Variants in MFAP3L observed in about 807,000 individuals in gnomAD.
MFAP3L encodes microfibril associated protein 3 like, also known as microfibrillar-associated protein 3-like.
A neutral mutation model predicts 20.0 loss-of-function variants in MFAP3L; 5 were observed. The ratio of observed to expected loss-of-function variants is 0.25; its 90% confidence interval spans 0.13 to 0.53. The LOEUF (loss-of-function observed/expected upper bound fraction) is 0.53, where lower values mean the gene tolerates loss of function less well. Among genes scored for constraint, MFAP3L ranks in the 20% least tolerant of loss-of-function variants. The pLI is 0.96. For synonymous variants in MFAP3L, 219 were observed against 213.0 expected, an observed-to-expected ratio of 1.03 and a Z score of -0.25; for missense variants, 409 against 527.5, an observed-to-expected ratio of 0.78 and a Z score of 2.20.
At chr4:170,025,859 A>G (rs112853886) in intron 1 of MFAP3L, among the ~76,000 whole-genome samples, 1 of 152,134 alleles carries the variant, frequency 6.6e-6, no homozygotes, top group East Asian at 1.9e-4. Flanking sequence ...CACAGCGATG[A>G]GAGAGATCCA....
chr4:170,007,315 T>C (rs1739102751), intron 1 of MFAP3L, among the ~76,000 whole-genome samples: 1 of 152,202 alleles, frequency 6.6e-6, no homozygotes, highest in Non-Finnish European at 1.5e-5. Context: ...CACCCTGCCA[T>C]GACTTTGCAA....
intron 2 of MFAP3L, chr4:170,005,213 C>T: frequency 7.2e-6 from 2 of 276,288 alleles, no homozygotes; most frequent in Non-Finnish European, 6.7e-6. Context: ...TAAACAATGG[C>T]TATATTGTTT....
chr4:170,000,821 C>T (rs1738560337), intron 2 of MFAP3L, among the ~76,000 whole-genome samples: 1 of 152,144 alleles, frequency 6.6e-6, no homozygotes, highest in Non-Finnish European at 1.5e-5. Flanking sequence ...CTCCCAGGCT[C>T]ATGCAATCGT....
At position 169,986,902 on chromosome 4, in the gene MFAP3L, T is replaced by C. The variant is rs1178979201; in HGVS notation, c.*4476A>G. ...AGCTCTATGGTGTCTGAGATATACA[T>C]TTGGAGGCTATTTTATTGGCTAAAT... is the stretch of plus-strand genomic sequence containing the variant. On this transcript the variant is annotated 3_prime_UTR_variant, in exon 3 of 3. Coordinates refer to ENST00000361618, the MANE Select transcript of MFAP3L (RefSeq NM_021647.8). The C allele has an allele frequency of 6.6e-6, 1 of 152,190 alleles. No homozygotes were observed. The highest frequency in any genetic ancestry group is 2.4e-5 in the African/African-American group (1 of 41,456). The allele number at this position is 152,190 out of a possible 1,614,324, so 9.4% of individuals were successfully genotyped here.
In MFAP3L at chr4:169,991,036, A is replaced by G. The variant is rs142697193; in HGVS notation, c.*342T>C. On this transcript the variant is annotated 3_prime_UTR_variant, in exon 3 of 3. Coordinates refer to ENST00000361618, the MANE Select transcript of MFAP3L (RefSeq NM_021647.8). The surrounding 1 kb of genome is among the most constrained non-coding windows in gnomAD (Gnocchi z 4.9). ...GGAAAAGCAATGCAGGGGGCACTGGACAGGGTTCTTGAACTCAGAATATCT... is the reference window on the plus strand; with the variant it reads ...GGAAAAGCAATGCAGGGGGCACTGGGCAGGGTTCTTGAACTCAGAATATCT... 223 of 281,892 alleles carry G rather than the reference A, an allele frequency of 7.9e-4. 1 individual carries two copies. Among genetic ancestry groups the G allele is most frequent in the African/African-American group, 4.6e-3 (210 of 46,148 alleles). The allele number at this position is 281,892 out of a possible 1,614,324, so 17.5% of individuals were successfully genotyped here.
intron 2 of MFAP3L, among the ~76,000 whole-genome samples, chr4:170,002,841 A>AT (rs888600090): frequency 7.0e-6 from 1 of 142,194 alleles, no homozygotes; most frequent in African/African-American, 3.0e-5. Context: ...TCACCTCTTT[A>AT]TTTAAAAAAA....
Position 169,990,433 on chromosome 4 carries a change from C to T in MFAP3L, c.*945G>A, listed in dbSNP as rs1222518247. On this transcript the variant is annotated 3_prime_UTR_variant, in exon 3 of 3. Transcript: ENST00000361618. ...ATATTCTATAACCTACAGGAATCCA[C>T]TGAATCTGATGTCTTTGGAAGCAAT... 6.6e-6 allele frequency: 1 copy of T among 152,630 alleles called. No individual in the cohort carries two copies. The highest frequency in any genetic ancestry group is 1.5e-5 in the Non-Finnish European group (1 of 68,036). The allele number at this position is 152,630 out of a possible 1,614,324, so 9.5% of individuals were successfully genotyped here. A position where few individuals can be genotyped will look rare whatever the true frequency, so the allele number is the denominator to read the frequency against.
At chr4:170,007,560 T>C (rs1005196805) in intron 1 of MFAP3L, among the ~76,000 whole-genome samples, 1 of 152,212 alleles carries the variant, frequency 6.6e-6, no homozygotes, top group African/African-American at 2.4e-5. Flanking sequence ...TAAACAAGAA[T>C]TATTAGCACA....
rs1005057802 is a variant in MFAP3L at position 169,988,667 on chromosome 4, T to C, written c.*2711A>G. The stretch of plus-strand genomic sequence containing the variant: ...CATATTCTAGCAGGAGGGCCTCTCA[T>C]TTCATAAAGAAGCTGTAGGATGGAT... On this transcript the variant is annotated 3_prime_UTR_variant, in exon 3 of 3. Transcript: ENST00000361618. 3.9e-5 allele frequency: 6 copies of C among 152,336 alleles called. No individual in the cohort carries two copies. The South Asian group carries it at 8.3e-4, about 21-fold the overall frequency. 9.4% of individuals were successfully genotyped at this position (152,336 alleles called of 1,614,324 possible). A position where few individuals can be genotyped will look rare whatever the true frequency, so the allele number is the denominator to read the frequency against.
Position 169,991,877 on chromosome 4 carries a change from G to A in MFAP3L, c.731C>T (p.Pro244Leu), listed in dbSNP as rs201000129. The change falls in exon 3 of 3, where the codon CCG (proline) becomes CTG (leucine). Residue 244 changes from proline to leucine, a missense_variant. This residue lies in a region of MFAP3L where 127 missense variants were observed against 218.1 expected (regional missense o/e 0.58). Transcript: ENST00000361618. The surrounding 1 kb of genome is among the most constrained non-coding windows in gnomAD (Gnocchi z 4.9). ...AGTCCTGCAGTTCATAATGAGAGGC[G>A]GCAGAGGCACGCTCCTGGCAAGCTC... The part of the protein sequence containing the change: ...IEELARSVPL[P>L]PLIMNCRTIM... The A allele has an allele frequency of 3.1e-6, 5 of 1,614,100 alleles. No homozygotes were observed. The highest frequency in any genetic ancestry group is 3.4e-6 in the Non-Finnish European group (4 of 1,180,032).
chr4:170,012,190 A>G (rs1739426262), intron 1 of MFAP3L, among the ~76,000 whole-genome samples: 1 of 152,228 alleles, frequency 6.6e-6, no homozygotes, highest in South Asian at 2.1e-4. Flanking sequence ...ATATCCAGGA[A>G]GGAAATGAAC....
At chr4:169,997,613 CT>C (rs1361685938) in intron 2 of MFAP3L, 18 of 658,804 alleles carry the variant, frequency 2.7e-5, no homozygotes, top group Non-Finnish European at 3.4e-5. Flanking sequence ...TTTAAAACAA[CT>C]TTTTCAACTC....
chr4:170,005,635 A>G lies in MFAP3L; in HGVS notation c.243T>C (p.Tyr81=), dbSNP rs752410768. The change falls in exon 2 of 3, where the codon TAT becomes TAC. Residue 81 remains tyrosine, a synonymous_variant. Transcript: ENST00000361618. ...CTTTCAGCAGCTTGCCAATGGAATT[A>G]TACCACTTGAACTGTGGGTCAGGGA... ...YGIPDPQFKW[Y]NSIGKLLKEE... 62 of 1,614,104 alleles carry G rather than the reference A, an allele frequency of 3.8e-5. 1 individual carries two copies. The South Asian group carries it at 5.6e-4, about 15-fold the overall frequency.
At chr4:170,019,278 T>G (rs937637492) in intron 1 of MFAP3L, among the ~76,000 whole-genome samples, 4 of 152,226 alleles carry the variant, frequency 2.6e-5, no homozygotes, top group African/African-American at 9.6e-5. Context: ...CCTGGTGCAA[T>G]GGCTCATGTC....
At chr4:170,020,235 C>T (rs1385784968) in intron 1 of MFAP3L, among the ~76,000 whole-genome samples, 1 of 152,182 alleles carries the variant, frequency 6.6e-6, no homozygotes, top group Non-Finnish European at 1.5e-5. Flanking sequence ...CACATTTCTG[C>T]TGTACCTGAG....
chr4:170,006,013 G>GT lies in MFAP3L; in HGVS notation c.-133-4dup. ...AGAGTTGGTACTTGAGCAAGAACCT[G>GT]TTTTTAAGAAAACAAAAATATATAC... On this transcript the variant is annotated splice_region_variant and splice_polypyrimidine_tract_variant and intron_variant, in intron 1 of 2. Coordinates refer to ENST00000361618, the MANE Select transcript of MFAP3L (RefSeq NM_021647.8). 7.0e-7 allele frequency: 1 copy of GT among 1,430,608 alleles called. No homozygotes were observed. The highest frequency in any genetic ancestry group is 9.1e-7 in the Non-Finnish European group (1 of 1,094,996). The allele number at this position is 1,430,608 out of a possible 1,614,324, so 88.6% of individuals were successfully genotyped here.
rs1739556297 is a variant in MFAP3L at position 170,014,151 on chromosome 4, T to C, written c.-133-8141A>G. Among the ~76,000 whole-genome samples the C allele has an allele frequency of 2.0e-5, 3 of 152,240 alleles. No homozygotes were observed. In the South Asian group the frequency reaches 6.2e-4, roughly 31 times the overall value. On this transcript the variant is annotated intron_variant, in intron 1 of 2. Transcript: ENST00000361618. ...GCTGCTGTCTTTCTTTTCATTAGAATATTGTTCCAACATCTCCCCCCTTTA... is the reference window on the plus strand; with the variant it reads ...GCTGCTGTCTTTCTTTTCATTAGAACATTGTTCCAACATCTCCCCCCTTTA...
intron 1 of MFAP3L, among the ~76,000 whole-genome samples, chr4:170,017,250 A>G (rs907632478): frequency 2.0e-5 from 3 of 152,150 alleles, no homozygotes; most frequent in Non-Finnish European, 4.4e-5. Context: ...TCTCCCACAT[A>G]AAGTGTCATT....
At chr4:170,021,359 G>A (rs1330753941) in intron 1 of MFAP3L, among the ~76,000 whole-genome samples, 1 of 152,154 alleles carries the variant, frequency 6.6e-6, no homozygotes. Context: ...TCCCTATTAA[G>A]ATTTAAGAGC....
Sources: allele counts gnomAD v4.1 joint callset (sites outside exome capture counted in the v4.1 genomes callset), GRCh38; gene constraint gnomAD v4.1.1; regional missense constraint gnomAD v4.1.1; non-coding constraint Gnocchi (gnomAD v3.1); transcripts MANE v1.5; gene names NCBI Gene and HGNC (gene_info 2026-07-23, HGNC 2026-07-21).